ERBB4: variants seen among roughly 807,000 people sequenced by gnomAD.
ERBB4 encodes the protein erb-b2 receptor tyrosine kinase 4, also known as receptor tyrosine-protein kinase erbB-4.
ERBB4 carries 42 observed loss-of-function variants against 158.0 expected under a neutral mutation model. The observed-to-expected ratio is 0.27, with a 90% CI of 0.21 to 0.34. The LOEUF (loss-of-function observed/expected upper bound fraction) is 0.34, where lower values mean the gene tolerates loss of function less well. Ranked by LOEUF, ERBB4 falls within the 10% of genes least tolerant of loss-of-function variation. The pLI is 1.00. For synonymous variants in ERBB4, 583 were observed against 558.7 expected (o/e 1.04, Z -0.61); for missense variants, 1,333 against 1,624.1 (o/e 0.82, Z 3.08).
intron 1 of ERBB4, among the ~76,000 whole-genome samples, chr2:212,307,565 G>T (rs1171544341): frequency 6.6e-6 from 1 of 150,760 alleles, no homozygotes; most frequent in African/African-American, 2.4e-5. Context: ...CAGTTTTTAT[G>T]TAATACAGAC....
At chr2:211,970,464 T>C (rs1230173552) in intron 2 of ERBB4, among the ~76,000 whole-genome samples, 1 of 152,150 alleles carries the variant, frequency 6.6e-6, no homozygotes. Context: ...TGATCTAATA[T>C]TGTCAGTGAG....
At chr2:211,673,625 C>T (rs114192230) in intron 13 of ERBB4, among the ~76,000 whole-genome samples, 3,244 of 150,158 alleles carry the variant, frequency 0.022, 115 homozygotes, top group African/African-American at 0.076. Flanking sequence ...CAATTTTACT[C>T]TTGGAGAAGC....
At chr2:211,823,557 T>C (rs1462193434) in intron 3 of ERBB4, among the ~76,000 whole-genome samples, 1 of 152,056 alleles carries the variant, frequency 6.6e-6, no homozygotes, top group Non-Finnish European at 1.5e-5. Context: ...GAATTCACTT[T>C]ATTACTCTCA....
At chr2:212,446,642 A>G (rs2092363678) in intron 1 of ERBB4, among the ~76,000 whole-genome samples, 2 of 55,772 alleles carry the variant, frequency 3.6e-5, no homozygotes, top group South Asian at 1.3e-3. Context: ...TATATATCCT[A>G]TTAGTTCTGT....
At chr2:212,407,596 T>C (rs551661696) in intron 1 of ERBB4, among the ~76,000 whole-genome samples, 25 of 152,052 alleles carry the variant, frequency 1.6e-4, no homozygotes, top group Non-Finnish European at 3.4e-4. Context: ...AGTAAATAAG[T>C]AGGCATATAT....
At chr2:212,148,068 T>C (rs1256297356) in intron 1 of ERBB4, among the ~76,000 whole-genome samples, 1 of 152,180 alleles carries the variant, frequency 6.6e-6, no homozygotes, top group African/African-American at 2.4e-5. Flanking sequence ...AATATGTTAT[T>C]AGTAAACTTA....
chr2:212,088,728 T>G (rs2078687652), intron 2 of ERBB4, among the ~76,000 whole-genome samples: 1 of 152,160 alleles, frequency 6.6e-6, no homozygotes, highest in African/African-American at 2.4e-5. Context: ...AGACACATAA[T>G]TCATAGAAAT....
At chr2:211,671,496 A>G (rs2071838014) in intron 14 of ERBB4, among the ~76,000 whole-genome samples, 1 of 152,176 alleles carries the variant, frequency 6.6e-6, no homozygotes, top group East Asian at 1.9e-4. Flanking sequence ...ATATCAGTGC[A>G]GTGGCACCTG....
intron 2 of ERBB4, among the ~76,000 whole-genome samples, chr2:212,008,029 C>G (rs2076296580): frequency 6.6e-6 from 1 of 151,958 alleles, no homozygotes; most frequent in African/African-American, 2.4e-5. Flanking sequence ...AAGTGGATAA[C>G]AAACATAAGC....
chr2:212,156,759 C>T (rs1314859807), intron 1 of ERBB4, among the ~76,000 whole-genome samples: 1 of 152,050 alleles, frequency 6.6e-6, no homozygotes, highest in African/African-American at 2.4e-5. Flanking sequence ...GTGTATGAAC[C>T]TCCATCCAAT....
intron 1 of ERBB4, among the ~76,000 whole-genome samples, chr2:212,399,099 C>G (rs954574801): frequency 6.6e-6 from 1 of 151,866 alleles, no homozygotes; most frequent in Non-Finnish European, 1.5e-5. Context: ...CCCACCACCA[C>G]GCCTGACTAA....
intron 3 of ERBB4, among the ~76,000 whole-genome samples, chr2:211,851,714 G>C (rs2077725877): frequency 6.6e-6 from 1 of 151,876 alleles, no homozygotes; most frequent in Admixed American, 6.6e-5. Context: ...TTCAAAAGGT[G>C]TTTGATCCTA....
chr2:212,021,833 GAA>G (rs144657187), intron 2 of ERBB4, among the ~76,000 whole-genome samples: 12,227 of 149,928 alleles, frequency 0.082, 519 homozygotes, highest in South Asian at 0.12. Context: ...AAATTTACAA[GAA>G]AAAAAAACAT....
chr2:211,739,390 A>G (rs565830465), intron 5 of ERBB4, among the ~76,000 whole-genome samples: 2 of 152,276 alleles, frequency 1.3e-5, no homozygotes, highest in South Asian at 4.1e-4. Flanking sequence ...TTTAATAATT[A>G]TTACTTTTTA....
chr2:212,305,926 G>GT (rs532308514), intron 1 of ERBB4, among the ~76,000 whole-genome samples: 5 of 151,386 alleles, frequency 3.3e-5, no homozygotes, highest in East Asian at 2.0e-4. Flanking sequence ...TAGCCTCAAT[G>GT]TTTTTTAGAC....
At position 212,168,017 on chromosome 2, in the gene ERBB4, T is replaced by C. The variant is rs573308451; in HGVS notation, c.83-43114A>G. Reference sequence around the variant, plus strand: ...AACCACCATGGCACACGTATACCTATGTAACAAACTTGCACGTTCTGCATA... The same window carrying C: ...AACCACCATGGCACACGTATACCTACGTAACAAACTTGCACGTTCTGCATA... On this transcript the variant is annotated intron_variant, in intron 1 of 27. Transcript: ENST00000342788. Among the ~76,000 whole-genome samples, 118 of 151,604 alleles carry C rather than the reference T, an allele frequency of 7.8e-4. 1 individual carries two copies. In the South Asian group the frequency reaches 0.024, roughly 30 times the overall value.
intron 7 of ERBB4, among the ~76,000 whole-genome samples, chr2:211,718,264 A>G (rs1257557697): frequency 6.6e-6 from 1 of 152,178 alleles, no homozygotes; most frequent in Non-Finnish European, 1.5e-5. Context: ...ATAGAGAACA[A>G]AAGGTGTTAT....
intron 3 of ERBB4, among the ~76,000 whole-genome samples, chr2:211,868,588 A>G (rs1312773997): frequency 2.0e-5 from 3 of 152,136 alleles, no homozygotes; most frequent in East Asian, 3.9e-4. Flanking sequence ...ATAAGTGATC[A>G]TTTTTGTGTT....
intron 3 of ERBB4, among the ~76,000 whole-genome samples, chr2:211,942,578 T>A (rs2125124834): frequency 6.6e-6 from 1 of 152,176 alleles, no homozygotes; most frequent in Admixed American, 6.6e-5. Context: ...TCATTACTAT[T>A]GAGGGCTTCT....
Sources: gnomAD v4.1 joint callset for allele counts (sites outside exome capture counted in the v4.1 genomes callset) on GRCh38, gnomAD v4.1.1 for gene constraint, MANE v1.5 for transcripts, NCBI Gene and HGNC (gene_info 2026-07-23, HGNC 2026-07-21) for gene names.